The following ANO6 variants were observed in gnomAD, a reference collection of about 807,000 sequenced individuals.
ANO6 encodes anoctamin 6.
A neutral mutation model predicts 117.5 loss-of-function variants in ANO6; 106 were observed. The ratio of observed to expected loss-of-function variants is 0.90; its 90% confidence interval spans 0.77 to 1.06. The LOEUF (loss-of-function observed/expected upper bound fraction) is 1.06. Among genes scored for constraint, ANO6 ranks in the 50% least tolerant of loss-of-function variants. ANO6 has a pLI of 0.00. For synonymous variants in ANO6, 367 were observed against 385.1 expected (o/e 0.95, Z 0.55); for missense variants, 955 against 1,121.1 (o/e 0.85, Z 2.12).
rs143152217 is a variant in ANO6, at chr12:45,377,959, C to G, written c.1105-94C>G. The G allele has an allele frequency of 1.3e-3, 1,678 of 1,250,244 alleles. 20 individuals carry two copies. In the East Asian group the frequency reaches 0.023, roughly 17 times the overall value. 77.4% of individuals were successfully genotyped at this position (1,250,244 alleles called of 1,614,324 possible). On this transcript the variant is annotated intron_variant, in intron 9 of 19. Coordinates refer to ENST00000320560, the MANE Select transcript of ANO6 (RefSeq NM_001025356.3). ...AACTAGGCATCACCTTTGAAAAGAA[C>G]TTCAAGACTGTAGAATAGACAAAGC...
chr12:45,373,071 G>A (rs1291817764), intron 9 of ANO6, among the ~76,000 whole-genome samples: 1 of 152,108 alleles, frequency 6.6e-6, no homozygotes, highest in South Asian at 2.1e-4. Context: ...CCTAGTCTCT[G>A]ATAAAACAGA....
intron 11 of ANO6, among the ~76,000 whole-genome samples, chr12:45,389,066 T>A (rs1404208257): frequency 6.6e-6 from 1 of 152,216 alleles, no homozygotes; most frequent in African/African-American, 2.4e-5. Flanking sequence ...AGGTTCTGAA[T>A]ACGAATAGCT....
chr12:45,405,530 T>C (rs1942909965), intron 15 of ANO6, among the ~76,000 whole-genome samples: 1 of 152,220 alleles, frequency 6.6e-6, no homozygotes, highest in Non-Finnish European at 1.5e-5. Flanking sequence ...ATGCTGAGTG[T>C]TAGCCAAATT....
intron 12 of ANO6, among the ~76,000 whole-genome samples, chr12:45,400,793 G>A (rs760604295): frequency 6.6e-6 from 1 of 152,156 alleles, no homozygotes; most frequent in Non-Finnish European, 1.5e-5. Flanking sequence ...TCAACAACAA[G>A]ATATGGTTTG....
intron 2 of ANO6, among the ~76,000 whole-genome samples, chr12:45,325,155 GA>G (rs934850462): frequency 6.6e-6 from 1 of 152,312 alleles, no homozygotes; most frequent in Admixed American, 6.5e-5. Context: ...AGAATATTGT[GA>G]AAGTTCACTA....
rs1947305438 is a variant in ANO6 at position 45,216,143 on chromosome 12, C to G, written c.-179C>G. On this transcript the variant is annotated 5_prime_UTR_variant, in exon 1 of 20. Transcript: ENST00000320560. The stretch of plus-strand genomic sequence containing the variant: ...GCGAGAGGCGTCCTCCGGCTCTGGG[C>G]TCCGGTCGGTGGGTGCCTCGGCTCG... The G allele has an allele frequency of 1.5e-6, 1 of 662,388 alleles. No individual in the cohort carries two copies. Among genetic ancestry groups the G allele is most frequent in the Non-Finnish European group, 2.6e-6 (1 of 389,102 alleles). 41.0% of individuals were successfully genotyped at this position (662,388 alleles called of 1,614,324 possible).
At chr12:45,293,019 G>T in intron 1 of ANO6, 1 of 1,525,746 alleles carries the variant, frequency 6.6e-7, no homozygotes, top group Non-Finnish European at 8.8e-7. Flanking sequence ...TATAAATATT[G>T]TCCAAATATT....
intron 2 of ANO6, among the ~76,000 whole-genome samples, chr12:45,322,817 G>A (rs1397682243): frequency 6.6e-6 from 1 of 152,124 alleles, no homozygotes. Context: ...CAAGGACATT[G>A]TCTATTAGGG....
At chr12:45,383,181 C>T (rs1593044591) in intron 10 of ANO6, 1 of 215,386 alleles carries the variant, frequency 4.6e-6, no homozygotes, top group Non-Finnish European at 9.3e-6. Flanking sequence ...CTCAAGAAAC[C>T]ACTTTCTTTG....
intron 10 of ANO6, chr12:45,383,432 T>A (rs916331701): frequency 6.6e-6 from 1 of 152,462 alleles, no homozygotes; most frequent in African/African-American, 2.4e-5. Context: ...ATGTCCTTAA[T>A]GACATCTAGA....
chr12:45,299,079 T>A (rs1939394226), intron 1 of ANO6, among the ~76,000 whole-genome samples: 2 of 152,224 alleles, frequency 1.3e-5, no homozygotes, highest in African/African-American at 4.8e-5. Context: ...ATAATTTTTT[T>A]AACATCTGTC....
intron 1 of ANO6, among the ~76,000 whole-genome samples, chr12:45,232,484 C>T (rs1947587245): frequency 6.6e-6 from 1 of 152,210 alleles, no homozygotes; most frequent in Non-Finnish European, 1.5e-5. Context: ...AGGGAATGGG[C>T]TCTCACTGGG....
chr12:45,400,784 C>T (rs1359635493), intron 12 of ANO6, among the ~76,000 whole-genome samples: 2 of 152,216 alleles, frequency 1.3e-5, no homozygotes, highest in Non-Finnish European at 2.9e-5. Context: ...CTGTTACTAT[C>T]AACAACAAGA....
At chr12:45,422,741 T>C (rs1053159474) in intron 18 of ANO6, among the ~76,000 whole-genome samples, 48 of 152,028 alleles carry the variant, frequency 3.2e-4, no homozygotes, top group African/African-American at 1.1e-3. Flanking sequence ...ACCTGGCTAA[T>C]TTTTGTATTT....
At position 45,348,334 on chromosome 12, in the gene ANO6, T is replaced by A. The variant is rs560035728; in HGVS notation, c.633+19T>A. 11 of 1,614,014 alleles carry A rather than the reference T, an allele frequency of 6.8e-6. No homozygotes were observed. In the East Asian group the frequency reaches 1.3e-4, roughly 20 times the overall value. On this transcript the variant is annotated intron_variant, in intron 5 of 19. Transcript: ENST00000320560. ...CCGCATTGTAAGTCTAAACCAAATT[T>A]AGTTGCTGTCTTGGGGTAATTTGGA...
intron 6 of ANO6, among the ~76,000 whole-genome samples, chr12:45,349,448 C>T (rs1410586365): frequency 6.6e-6 from 1 of 152,098 alleles, no homozygotes; most frequent in Admixed American, 6.6e-5. Context: ...TAAAATGTGA[C>T]CACTGTAAAT....
chr12:45,382,149 T>C (rs532858177), intron 10 of ANO6, among the ~76,000 whole-genome samples: 4 of 152,300 alleles, frequency 2.6e-5, no homozygotes, highest in Non-Finnish European at 4.4e-5. Flanking sequence ...TTGAGAAAGA[T>C]GCAGAAATAA....
chr12:45,375,850 C>G (rs1259432362), intron 9 of ANO6, among the ~76,000 whole-genome samples: 2 of 149,844 alleles, frequency 1.3e-5, no homozygotes, highest in African/African-American at 4.9e-5. Flanking sequence ...CCAAAATTGA[C>G]AAATGGGATC....
chr12:45,225,532 A>C (rs1422046343), intron 1 of ANO6, among the ~76,000 whole-genome samples: 1 of 151,230 alleles, frequency 6.6e-6, no homozygotes, highest in Non-Finnish European at 1.5e-5. Flanking sequence ...TCTTTTTCCT[A>C]GGCTGGAGTG....
Sources: gnomAD v4.1 joint callset for allele counts (sites outside exome capture counted in the v4.1 genomes callset) on GRCh38, gnomAD v4.1.1 for gene constraint, MANE v1.5 for transcripts, NCBI Gene and HGNC (gene_info 2026-07-23, HGNC 2026-07-21) for gene names.